COL28A1: variants seen among roughly 807,000 people sequenced by gnomAD.
The protein encoded by COL28A1 is collagen type XXVIII alpha 1 chain.
Under a neutral mutation model 150.2 loss-of-function variants are expected in COL28A1, and 161 were observed. That is an observed-to-expected ratio of 1.07 (90% CI 0.94 to 1.22). The LOEUF (loss-of-function observed/expected upper bound fraction) is 1.22, where lower values mean the gene tolerates loss of function less well. Among genes scored for constraint, COL28A1 ranks in the 50% most tolerant of loss-of-function variants. The pLI is 0.00. For missense variants in COL28A1, 1,617 were observed against 1,388.3 expected (o/e 1.16, Z -2.62); for synonymous variants, 552 against 469.7 (o/e 1.18, Z -2.26).
chr7:7,485,327 T>C (rs1779567521), intron 13 of COL28A1, among the ~76,000 whole-genome samples: 1 of 152,154 alleles, frequency 6.6e-6, no homozygotes, highest in South Asian at 2.1e-4. Context: ...ATTATTGAGT[T>C]TTGAGAATTT....
intron 27 of COL28A1, among the ~76,000 whole-genome samples, chr7:7,398,253 A>G (rs569151902): frequency 1.2e-4 from 18 of 152,288 alleles, no homozygotes; most frequent in African/African-American, 4.3e-4. Flanking sequence ...AAATATCCAA[A>G]TTGGCTTAGC....
intron 27 of COL28A1, among the ~76,000 whole-genome samples, chr7:7,395,240 G>C (rs1782771373): frequency 6.6e-6 from 1 of 152,110 alleles, no homozygotes; most frequent in Non-Finnish European, 1.5e-5. Flanking sequence ...TCTGCAGTGA[G>C]CCAAGATCAC....
chr7:7,435,546 A>G (rs918070771), intron 23 of COL28A1, among the ~76,000 whole-genome samples: 3 of 152,200 alleles, frequency 2.0e-5, no homozygotes, highest in African/African-American at 7.2e-5. Context: ...GAGGACTGTT[A>G]AAGCAATAAA....
intron 18 of COL28A1, among the ~76,000 whole-genome samples, chr7:7,446,873 G>C (rs572181373): frequency 1.3e-5 from 2 of 152,300 alleles, no homozygotes; most frequent in Non-Finnish European, 2.9e-5. Flanking sequence ...ACCAGAAAGA[G>C]TTACACAGAG....
chr7:7,436,464 C>A lies in COL28A1; in HGVS notation c.1792-1G>T. 1 of 1,304,022 alleles carries A rather than the reference C, an allele frequency of 7.7e-7. No individual in the cohort carries two copies. 80.8% of individuals were successfully genotyped at this position (1,304,022 alleles called of 1,614,324 possible). A position where few individuals can be genotyped will look rare whatever the true frequency, so the allele number is the denominator to read the frequency against. On this transcript the variant is annotated splice_acceptor_variant, in intron 22 of 34. Coordinates refer to ENST00000399429, the MANE Select transcript of COL28A1 (RefSeq NM_001037763.3). LOFTEE classifies it high-confidence loss of function. ...GTATCCCAGGTCCTCCTCTATCTCC[C>A]TGTACATTTCAAATAACATTTCACA...
chr7:7,383,435 T>C (rs1047090179), intron 27 of COL28A1, among the ~76,000 whole-genome samples: 3 of 151,674 alleles, frequency 2.0e-5, no homozygotes, highest in Non-Finnish European at 2.9e-5. Context: ...TGTGCCACTA[T>C]GCCTGGCTAA....
chr7:7,372,330 C>T (rs1781275402), intron 32 of COL28A1, among the ~76,000 whole-genome samples: 1 of 151,534 alleles, frequency 6.6e-6, no homozygotes, highest in Non-Finnish European at 1.5e-5. Context: ...ACCCGGGAAG[C>T]AGAGGTTGCA....
At chr7:7,539,873 G>C (rs944769340), upstream of COL28A1, among the ~76,000 whole-genome samples, 1 of 151,998 alleles carries the variant, frequency 6.6e-6, no homozygotes, top group African/African-American at 2.4e-5. Flanking sequence ...TTCATTATTT[G>C]TCATTCAATC....
At chr7:7,367,581 T>C (rs1474098552) in intron 33 of COL28A1, among the ~76,000 whole-genome samples, 1 of 152,218 alleles carries the variant, frequency 6.6e-6, no homozygotes, top group South Asian at 2.1e-4. Context: ...CTTGGTGTTA[T>C]AAATCCAGAG....
At chr7:7,354,794 C>G (rs1326120953), downstream of COL28A1, among the ~76,000 whole-genome samples, 5 of 152,126 alleles carry the variant, frequency 3.3e-5, no homozygotes, top group Non-Finnish European at 7.3e-5. Flanking sequence ...CCAAGAGTAC[C>G]TGACTTCCTG....
At chr7:7,378,759 T>A (rs1781705755) in intron 30 of COL28A1, among the ~76,000 whole-genome samples, 1 of 152,154 alleles carries the variant, frequency 6.6e-6, no homozygotes, top group Admixed American at 6.5e-5. Flanking sequence ...GACTTGTGTG[T>A]CTCCATTTGA....
At chr7:7,408,968 C>T (rs539053290) in intron 27 of COL28A1, among the ~76,000 whole-genome samples, 4 of 152,092 alleles carry the variant, frequency 2.6e-5, no homozygotes, top group Non-Finnish European at 5.9e-5. Context: ...TCAAGTAGGT[C>T]GTGTGAAGAG....
At chr7:7,437,289 T>G in intron 22 of COL28A1, 105 bp downstream of exon 22, 5 of 1,459,046 alleles carry the variant, frequency 3.4e-6, no homozygotes, top group Non-Finnish European at 4.5e-6. Flanking sequence ...GAATCATTTC[T>G]AAGGCTCTTC....
At chr7:7,354,061 A>T (rs1253401994), downstream of COL28A1, among the ~76,000 whole-genome samples, 1 of 151,814 alleles carries the variant, frequency 6.6e-6, no homozygotes, top group Non-Finnish European at 1.5e-5. Flanking sequence ...TCTTGGTGTC[A>T]CTCTGACTGC....
intron 11 of COL28A1, among the ~76,000 whole-genome samples, chr7:7,494,482 T>C (rs1780096697): frequency 6.6e-6 from 1 of 152,240 alleles, no homozygotes; most frequent in African/African-American, 2.4e-5. Flanking sequence ...ATGAGGATAA[T>C]TATATCTGCC....
chr7:7,453,592 AT>A (rs1786889466), intron 16 of COL28A1, 84 bp from the exon 17 acceptor site: 1 of 750,068 alleles, frequency 1.3e-6, no homozygotes, highest in African/African-American at 1.8e-5. Flanking sequence ...TTCATACCCC[AT>A]AATAAGTTAC....
At position 7,531,558 on chromosome 7, in the gene COL28A1, C is replaced by T. The variant is rs775080717; in HGVS notation, c.471G>A (p.Leu157=). Residue 157 remains leucine, a synonymous_variant, in exon 3 of 35, where the codon TTG becomes TTA. Coordinates refer to ENST00000399429, the MANE Select transcript of COL28A1 (RefSeq NM_001037763.3). ...EGRKDGVKVV[L]LMTDGIDHPK... ...GATGGTCGATGCCATCAGTCATCAGCAAAACCACTTTCACACCATCCTTAC... is the reference window on the plus strand; with the variant it reads ...GATGGTCGATGCCATCAGTCATCAGTAAAACCACTTTCACACCATCCTTAC... 6.8e-6 allele frequency: 11 copies of T among 1,609,814 alleles called. No homozygotes were observed. Among genetic ancestry groups the T allele is most frequent in the Non-Finnish European group, 9.4e-6 (11 of 1,176,386 alleles).
rs770065447 is a variant in COL28A1, at chr7:7,381,544, CT to C, written c.2204del (p.Lys735ArgfsTer37). 8 of 1,612,292 alleles carry C rather than the reference CT, an allele frequency of 5.0e-6. No homozygotes were observed. Among genetic ancestry groups the C allele is most frequent in the Non-Finnish European group, 6.8e-6 (8 of 1,178,466 alleles). On this transcript the variant is annotated frameshift_variant and splice_region_variant, in exon 28 of 35. Transcript: ENST00000399429. LOFTEE classifies it high-confidence loss of function. ...GTMGHGLPGQ[K>X]GEHGERGDVG... ...TTCTCTAAGATCCTGAGACACTTAC[CT>C]TCTGGCCTGGGAGGCCATGGCCCAT...
chr7:7,379,617 G>A (rs1322939794), intron 30 of COL28A1, among the ~76,000 whole-genome samples: 3 of 152,186 alleles, frequency 2.0e-5, no homozygotes, highest in African/African-American at 7.2e-5. Flanking sequence ...GCCTGATCCA[G>A]AGTAAGGTTT....
Sources: allele counts gnomAD v4.1 joint callset (sites outside exome capture counted in the v4.1 genomes callset), GRCh38; gene constraint gnomAD v4.1.1; transcripts MANE v1.5; gene names NCBI Gene and HGNC (gene_info 2026-07-23, HGNC 2026-07-21).